Variants in MACROD2 observed in about 807,000 individuals in gnomAD.
MACROD2 encodes the protein mono-ADP ribosylhydrolase 2.
In MACROD2, 36 loss-of-function variants were observed where a neutral mutation model predicts 70.4. The observed-to-expected ratio is 0.51, with a 90% CI of 0.39 to 0.68. The LOEUF (loss-of-function observed/expected upper bound fraction) is 0.68. Among genes scored for constraint, MACROD2 ranks in the 30% least tolerant of loss-of-function variants. The pLI, the probability that MACROD2 is intolerant of heterozygous loss-of-function variation, is 0.00. For synonymous variants in MACROD2, 172 were observed against 178.8 expected (o/e 0.96, Z 0.30); for missense variants, 496 against 538.4 (o/e 0.92, Z 0.78).
In MACROD2 at chr20:15,560,762, C is replaced by CAAAAAAAAAAA. The variant is rs71190190; in HGVS notation, c.645+60934_645+60944dup. On this transcript the variant is annotated intron_variant, in intron 8 of 17. Transcript: ENST00000684519. ...TGGGCCACAGGGCATAACAAAGTCT[C>CAAAAAAAAAAA]AAAAAAAAAAAAAAAAAAAAAAAAA... Among the ~76,000 whole-genome samples, 54 of 22,080 alleles carry CAAAAAAAAAAA rather than the reference C, an allele frequency of 2.4e-3. 2 individuals are homozygous for CAAAAAAAAAAA. The highest frequency in any genetic ancestry group is 0.021 in the East Asian group (18 of 870). 14.5% of individuals were successfully genotyped at this position (22,080 alleles called of 152,430 possible).
intron 8 of MACROD2, among the ~76,000 whole-genome samples, chr20:15,852,140 G>A (rs1029542105): frequency 6.6e-6 from 1 of 152,198 alleles, no homozygotes; most frequent in African/African-American, 2.4e-5. Context: ...GACCACGACA[G>A]ATGTGTCGTT....
At chr20:14,338,289 C>T (rs2082973384) in intron 3 of MACROD2, among the ~76,000 whole-genome samples, 1 of 152,086 alleles carries the variant, frequency 6.6e-6, no homozygotes, top group Admixed American at 6.5e-5. Flanking sequence ...ATCACTTGAA[C>T]CCGGGAGGCA....
intron 5 of MACROD2, among the ~76,000 whole-genome samples, chr20:15,104,376 C>G (rs971732755): frequency 6.6e-6 from 1 of 152,080 alleles, no homozygotes; most frequent in African/African-American, 2.4e-5. Flanking sequence ...TCCAACATAT[C>G]AGGTCCTGTT....
At chr20:15,075,121 A>G (rs1247985266) in intron 5 of MACROD2, among the ~76,000 whole-genome samples, 2 of 152,190 alleles carry the variant, frequency 1.3e-5, no homozygotes, top group African/African-American at 4.8e-5. Context: ...TGCTAAAGCC[A>G]GTATAGTAAC....
At chr20:15,276,399 C>T (rs6043162) in intron 6 of MACROD2, among the ~76,000 whole-genome samples, 22,535 of 59,600 alleles carry the variant, frequency 0.38, 2,342 homozygotes, top group African/African-American at 0.48. Flanking sequence ...GACTCCCTCT[C>T]AAAAAAATAA....
intron 6 of MACROD2, among the ~76,000 whole-genome samples, chr20:15,304,718 C>T (rs377224666): frequency 3.3e-5 from 5 of 151,960 alleles, no homozygotes; most frequent in East Asian, 1.9e-4. Context: ...CTCTCCCTTA[C>T]GTGCCTGCCT....
intron 5 of MACROD2, among the ~76,000 whole-genome samples, chr20:14,957,712 A>G (rs1045691213): frequency 6.6e-6 from 1 of 152,176 alleles, no homozygotes; most frequent in African/African-American, 2.4e-5. Flanking sequence ...ACTGTGGGAC[A>G]GAACCAGTGT....
intron 7 of MACROD2, 47 bp from the exon 8 acceptor site, chr20:15,499,727 G>T: frequency 6.4e-7 from 1 of 1,569,252 alleles, no homozygotes; most frequent in Non-Finnish European, 8.8e-7. Context: ...CCTCCCTTTT[G>T]CCTTCATCTT....
chr20:15,756,333 C>T (rs1373967269), intron 8 of MACROD2, among the ~76,000 whole-genome samples: 1 of 152,012 alleles, frequency 6.6e-6, no homozygotes, highest in Non-Finnish European at 1.5e-5. Context: ...CTAGGCAAAG[C>T]ACATTAGGAG....
rs906544596 is a variant in MACROD2 at position 15,187,626 on chromosome 20, G to C, written c.419-42314G>C. Among the ~76,000 whole-genome samples, 28 of 152,084 alleles carry C rather than the reference G, an allele frequency of 1.8e-4. 1 individual carries two copies. Among genetic ancestry groups the C allele is most frequent in the Non-Finnish European group, 1.5e-5 (1 of 68,016 alleles). On this transcript the variant is annotated intron_variant, in intron 5 of 17. Coordinates refer to ENST00000684519, the MANE Select transcript of MACROD2 (RefSeq NM_001351661.2). ...AAAATTAGCCATATTTTCCTTCAGT[G>C]CCTTTGATTAAACTCTGATGATGTT...
rs201665998 is a variant in MACROD2 at position 15,415,130 on chromosome 20, C to T, written c.541-16275C>T. On this transcript the variant is annotated intron_variant, in intron 6 of 17. Transcript: ENST00000684519. ...TGCAATTCTGAGTTAGATATGTGTT[C>T]TTCTAGAAAAACACTGAAACAAAGT... Among the ~76,000 whole-genome samples, 5 of 152,240 alleles carry T rather than the reference C, an allele frequency of 3.3e-5. No individual in the cohort carries two copies. In the East Asian group the frequency reaches 7.7e-4, roughly 24 times the overall value.
intron 4 of MACROD2, among the ~76,000 whole-genome samples, chr20:14,510,919 A>G (rs905288457): frequency 6.6e-6 from 1 of 152,084 alleles, no homozygotes; most frequent in Non-Finnish European, 1.5e-5. Context: ...GTACTGGAAA[A>G]AGGTGGATGC....
chr20:15,292,819 C>A (rs572619077), intron 6 of MACROD2, among the ~76,000 whole-genome samples: 3 of 152,070 alleles, frequency 2.0e-5, no homozygotes, highest in Non-Finnish European at 2.9e-5. Context: ...TTAATGCTTC[C>A]ATTCAACTGT....
chr20:15,868,771 T>A (rs2064531069), intron 9 of MACROD2, among the ~76,000 whole-genome samples: 1 of 152,122 alleles, frequency 6.6e-6, no homozygotes, highest in African/African-American at 2.4e-5. Flanking sequence ...TACCAACTAC[T>A]ATTTTTTAAA....
At chr20:14,185,136 G>A (rs1455986167) in intron 3 of MACROD2, among the ~76,000 whole-genome samples, 1 of 152,086 alleles carries the variant, frequency 6.6e-6, no homozygotes, top group East Asian at 1.9e-4. Flanking sequence ...TCAATTCAAT[G>A]CATTGTAGTA....
intron 5 of MACROD2, among the ~76,000 whole-genome samples, chr20:14,945,643 T>C (rs1399332663): frequency 1.3e-5 from 2 of 152,104 alleles, no homozygotes; most frequent in East Asian, 3.9e-4. Flanking sequence ...CCTGGGTATA[T>C]GGAGATGTGT....
At position 14,784,092 on chromosome 20, in the gene MACROD2, T is replaced by C. The variant is rs548307635; in HGVS notation, c.418+99133T>C. Reference sequence around the variant, plus strand: ...TGATGTCCTGAAACATCATCTACACTGGCTAATTAAGAGAAAACACAGGAT... The same window carrying C: ...TGATGTCCTGAAACATCATCTACACCGGCTAATTAAGAGAAAACACAGGAT... On this transcript the variant is annotated intron_variant, in intron 5 of 17. Transcript: ENST00000684519. 6.8e-4 allele frequency among the ~76,000 whole-genome samples: 104 copies of C among 152,126 alleles called. 1 individual carries two copies. Among genetic ancestry groups the C allele is most frequent in the Non-Finnish European group, 1.3e-3 (91 of 68,032 alleles).
chr20:14,765,095 T>G (rs1337072242), intron 5 of MACROD2, among the ~76,000 whole-genome samples: 1 of 152,122 alleles, frequency 6.6e-6, no homozygotes, highest in Admixed American at 6.5e-5. Flanking sequence ...CTCTTTAAAT[T>G]TGAGAATACA....
intron 15 of MACROD2, among the ~76,000 whole-genome samples, chr20:16,008,235 G>A (rs1450216116): frequency 6.6e-6 from 1 of 152,144 alleles, no homozygotes; most frequent in Non-Finnish European, 1.5e-5. Context: ...CTGTCTTCTG[G>A]TTAGTCGTTT....
Sources: allele counts gnomAD v4.1 joint callset (sites outside exome capture counted in the v4.1 genomes callset), GRCh38; gene constraint gnomAD v4.1.1; transcripts MANE v1.5; gene names NCBI Gene and HGNC (gene_info 2026-07-23, HGNC 2026-07-21).